Variants in NUP153 observed in about 807,000 individuals in gnomAD.
The protein encoded by NUP153 is nuclear pore complex protein Nup153.
Under a neutral mutation model 134.6 loss-of-function variants are expected in NUP153, and 27 were observed. That is an observed-to-expected ratio of 0.20 (90% confidence interval 0.15 to 0.28). The LOEUF is 0.28. NUP153 is among the 10% of genes least tolerant of loss of function. The pLI, the probability that NUP153 is intolerant of heterozygous loss-of-function variation, is 1.00. For missense variants in NUP153, 1,821 were observed against 1,731.3 expected, an observed-to-expected ratio of 1.05 and a Z score of -0.92; for synonymous variants, 640 against 623.5, an observed-to-expected ratio of 1.03 and a Z score of -0.40.
chr6:17,668,909 C>T (rs1433766196), intron 8 of NUP153, 66 bp downstream of exon 8: 3 of 1,065,010 alleles, frequency 2.8e-6, no homozygotes, highest in Non-Finnish European at 4.2e-6. Context: ...AATTTGTATA[C>T]TTGTGAACTT....
At chr6:17,672,028 C>T (rs548503422) in intron 5 of NUP153, among the ~76,000 whole-genome samples, 3 of 151,928 alleles carry the variant, frequency 2.0e-5, no homozygotes, top group East Asian at 1.9e-4. Flanking sequence ...AAAGCAATTC[C>T]AATCAAAATC....
intron 1 of NUP153, among the ~76,000 whole-genome samples, chr6:17,690,821 G>A (rs534708097): frequency 2.6e-5 from 4 of 152,216 alleles, no homozygotes; most frequent in African/African-American, 9.6e-5. Context: ...TCTGATACAG[G>A]CACTTGAATA....
At chr6:17,653,047 G>GT (rs1422111849) in intron 11 of NUP153, among the ~76,000 whole-genome samples, 1 of 152,090 alleles carries the variant, frequency 6.6e-6, no homozygotes, top group African/African-American at 2.4e-5. Context: ...TAGCTCAGGA[G>GT]TTTGAGACCA....
intron 17 of NUP153, 86 bp downstream of exon 17, chr6:17,632,564 G>T: frequency 3.2e-6 from 3 of 930,114 alleles, no homozygotes; most frequent in East Asian, 4.9e-5. Context: ...AGTGAACACT[G>T]AAGCTGTTCT....
intron 17 of NUP153, among the ~76,000 whole-genome samples, chr6:17,631,235 T>C (rs1189691233): frequency 7.0e-6 from 1 of 143,494 alleles, no homozygotes; most frequent in East Asian, 1.9e-4. Context: ...CAGATTTCAA[T>C]CATATAGACA....
chr6:17,688,952 T>C (rs1769114633), intron 1 of NUP153, among the ~76,000 whole-genome samples: 1 of 152,148 alleles, frequency 6.6e-6, no homozygotes, highest in Non-Finnish European at 1.5e-5. Context: ...AGAAAAGGCA[T>C]CCATTTTTTC....
chr6:17,689,164 T>C (rs1372824952), intron 1 of NUP153, among the ~76,000 whole-genome samples: 1 of 151,946 alleles, frequency 6.6e-6, no homozygotes, highest in Non-Finnish European at 1.5e-5. Context: ...GGTGGGCAGA[T>C]CACCTGAGGT....
At chr6:17,643,327 C>A (rs1561869105) in intron 14 of NUP153, among the ~76,000 whole-genome samples, 1 of 152,256 alleles carries the variant, frequency 6.6e-6, no homozygotes, top group East Asian at 1.9e-4. Context: ...CAAAAATTAG[C>A]CAGGCATGGT....
At chr6:17,661,880 C>T (rs546901766) in intron 10 of NUP153, 101 bp from the exon 11 acceptor site, 36 of 1,286,226 alleles carry the variant, frequency 2.8e-5, no homozygotes, top group Non-Finnish European at 3.6e-5. Context: ...TACAGCTGAA[C>T]GTGATTCTAA....
At chr6:17,668,870 A>T in intron 8 of NUP153, 105 bp downstream of exon 8, 1 of 770,246 alleles carries the variant, frequency 1.3e-6, no homozygotes, top group Non-Finnish European at 2.1e-6. Flanking sequence ...TATTTTTCAA[A>T]CATGTTCCCT....
Position 17,706,336 on chromosome 6 carries a change from T to C in NUP153, c.52A>G (p.Thr18Ala). ...ATTGGCCCCTGGTGGCAACGCCGCGTCCGGATCTTGCCGCCACCGCCCCCT... is the reference window on the plus strand; with the variant it reads ...ATTGGCCCCTGGTGGCAACGCCGCGCCCGGATCTTGCCGCCACCGCCCCCT... ...VGGGGGGKIR[T>A]RRCHQGPIKP... The change falls in exon 1 of 22, where the codon ACG (threonine) becomes GCG (alanine). Residue 18 changes from threonine (T) to alanine (A), a missense_variant. Transcript: ENST00000262077. The surrounding 1 kb of genome is among the most constrained non-coding windows in gnomAD (Gnocchi z 5.9). 6.2e-7 allele frequency: 1 copy of C among 1,613,456 alleles called. No homozygotes were observed. The highest frequency in any genetic ancestry group is 1.3e-5 in the African/African-American group (1 of 74,994).
At chr6:17,699,390 G>A (rs1196841618) in intron 1 of NUP153, among the ~76,000 whole-genome samples, 6 of 151,124 alleles carry the variant, frequency 4.0e-5, no homozygotes, top group Admixed American at 2.6e-4. Flanking sequence ...GGCTGAGGCA[G>A]GAGAATTGCT....
rs552545397 is a variant in NUP153, at chr6:17,665,536, T to A, written c.1069-151A>T. ...ACAAACAAATAAGAGGAAAAACTGATAATAATGGAACCTAAGGTATGTATT... is the reference window on the plus strand; with the variant it reads ...ACAAACAAATAAGAGGAAAAACTGAAAATAATGGAACCTAAGGTATGTATT... On this transcript the variant is annotated intron_variant, in intron 8 of 21. Coordinates refer to ENST00000262077, the MANE Select transcript of NUP153 (RefSeq NM_005124.4). The A allele has an allele frequency of 1.1e-5, 7 of 613,042 alleles. No individual in the cohort carries two copies. In the South Asian group the frequency reaches 1.3e-4, roughly 11 times the overall value. The allele number at this position is 613,042 out of a possible 1,614,324, so 38.0% of individuals were successfully genotyped here. A position where few individuals can be genotyped will look rare whatever the true frequency, so the allele number is the denominator to read the frequency against.
At position 17,685,503 on chromosome 6, in the gene NUP153, C is replaced by T. The variant is rs143827062; in HGVS notation, c.334+2893G>A. On this transcript the variant is annotated intron_variant, in intron 2 of 21. Coordinates refer to ENST00000262077, the MANE Select transcript of NUP153 (RefSeq NM_005124.4). The stretch of plus-strand genomic sequence containing the variant: ...GGCGGAGCTTGCAATGAGCCGAGAT[C>T]GAGCCACTGCACTCCAGCCTGGGCA... Among the ~76,000 whole-genome samples, 1,212 of 148,944 alleles carry T rather than the reference C, an allele frequency of 8.1e-3. 10 individuals are homozygous for T. The highest frequency in any genetic ancestry group is 0.026 in the African/African-American group (1,061 of 40,278).
chr6:17,688,166 A>G (rs1267251780), intron 2 of NUP153, among the ~76,000 whole-genome samples: 1 of 152,052 alleles, frequency 6.6e-6, no homozygotes, highest in Non-Finnish European at 1.5e-5. Flanking sequence ...GAAAATTAAA[A>G]CCCAAAATCC....
intron 11 of NUP153, among the ~76,000 whole-genome samples, chr6:17,652,946 T>C (rs984833015): frequency 6.6e-6 from 1 of 152,098 alleles, no homozygotes; most frequent in Non-Finnish European, 1.5e-5. Flanking sequence ...GGAGAATCAC[T>C]TGAACCCACG....
intron 16 of NUP153, among the ~76,000 whole-genome samples, chr6:17,635,464 T>C (rs1054405401): frequency 6.6e-6 from 1 of 152,122 alleles, no homozygotes; most frequent in Non-Finnish European, 1.5e-5. Context: ...CGCAGTAGCA[T>C]GATCTCAGGT....
At chr6:17,693,321 G>T (rs562697259) in intron 1 of NUP153, among the ~76,000 whole-genome samples, 84 of 151,680 alleles carry the variant, frequency 5.5e-4, no homozygotes, top group Non-Finnish European at 3.2e-4. Context: ...CTGGTTTCTG[G>T]TAAGACTGCC....
chr6:17,691,047 C>T (rs929584076), intron 1 of NUP153, among the ~76,000 whole-genome samples: 1 of 152,044 alleles, frequency 6.6e-6, no homozygotes, highest in African/African-American at 2.4e-5. Context: ...GAGGCTGAGG[C>T]AGGAAAATTG....
Sources: allele counts gnomAD v4.1 joint callset (sites outside exome capture counted in the v4.1 genomes callset), GRCh38; gene constraint gnomAD v4.1.1; non-coding constraint Gnocchi (gnomAD v3.1); transcripts MANE v1.5; gene names NCBI Gene and HGNC (gene_info 2026-07-23, HGNC 2026-07-21).